Variants in PRIM2 observed in about 807,000 individuals in gnomAD.
PRIM2 encodes DNA primase subunit 2, also known as DNA primase large subunit.
In PRIM2, 39 loss-of-function variants were observed where a neutral mutation model predicts 67.3. The observed-to-expected ratio is 0.58, with a 90% CI of 0.45 to 0.76. The LOEUF is 0.76. PRIM2 is among the 30% of genes least tolerant of loss of function. PRIM2 has a pLI of 0.00. For missense variants in PRIM2, 398 were observed against 598.7 expected (o/e 0.66, Z 3.50); for synonymous variants, 143 against 198.7 (o/e 0.72, Z 2.36).
chr6:57,568,122 C>T (rs1470605505), intron 10 of PRIM2, among the ~76,000 whole-genome samples: 4 of 151,876 alleles, frequency 2.6e-5, no homozygotes, highest in Admixed American at 2.0e-4. Context: ...CAATTGTGTT[C>T]GATAAATATA....
At chr6:57,582,771 A>C (rs1294765415) in intron 10 of PRIM2, among the ~76,000 whole-genome samples, 1 of 125,530 alleles carries the variant, frequency 8.0e-6, no homozygotes, top group Non-Finnish European at 1.6e-5. Flanking sequence ...TAATTTTATA[A>C]TATTTTCTTT....
At chr6:57,293,842 G>A in the PRIM2 span, among the ~76,000 whole-genome samples, 1 of 151,560 alleles carries the variant, frequency 6.6e-6, no homozygotes, top group Non-Finnish European at 1.5e-5. Flanking sequence ...GTTGGGGGGT[G>A]GGGGTCTGGG....
At chr6:57,335,910 C>T (rs1282987775) in intron 5 of PRIM2, among the ~76,000 whole-genome samples, 58 of 152,174 alleles carry the variant, frequency 3.8e-4, no homozygotes, top group South Asian at 1.5e-3. Flanking sequence ...CAAATTACTC[C>T]GAGCTACGGG....
intron 8 of PRIM2, among the ~76,000 whole-genome samples, chr6:57,529,011 A>T (rs1253301661): frequency 6.6e-6 from 1 of 152,204 alleles, no homozygotes; most frequent in African/African-American, 2.4e-5. Context: ...CAGAACTGGT[A>T]TTTAAAGAAC....
chr6:57,330,343 A>G (rs1016888697), intron 5 of PRIM2, among the ~76,000 whole-genome samples: 17 of 136,284 alleles, frequency 1.2e-4, no homozygotes, highest in Non-Finnish European at 2.2e-4. Flanking sequence ...AACCTTGCTG[A>G]ACTTGTTTTT....
chr6:57,324,173 A>G (rs1163886470), intron 3 of PRIM2, 28 bp from the exon 4 acceptor site: 1 of 1,282,342 alleles, frequency 7.8e-7, no homozygotes, highest in Non-Finnish European at 1.1e-6. Flanking sequence ...TAATGCATTT[A>G]TTTTATTCAT....
intron 7 of PRIM2, among the ~76,000 whole-genome samples, chr6:57,450,749 G>T: frequency 6.6e-6 from 1 of 152,182 alleles, no homozygotes. Context: ...TGATTTATAT[G>T]ATCAATCAGT....
the PRIM2 span, among the ~76,000 whole-genome samples, chr6:57,268,088 A>C: frequency 6.6e-6 from 1 of 152,134 alleles, no homozygotes; most frequent in African/African-American, 2.4e-5. Context: ...GATTTAGAAG[A>C]GCTCCAAGCA....
chr6:57,584,274 C>G (rs1489936172), intron 10 of PRIM2, among the ~76,000 whole-genome samples: 1 of 152,190 alleles, frequency 6.6e-6, no homozygotes. Flanking sequence ...ACTAGCCAGC[C>G]TACCTCCAGT....
At chr6:57,272,189 C>T in the PRIM2 span, among the ~76,000 whole-genome samples, 1 of 152,034 alleles carries the variant, frequency 6.6e-6, no homozygotes, top group Non-Finnish European at 1.5e-5. Context: ...TCCTTGTTAA[C>T]TTTCTGTCTC....
chr6:57,226,793 A>C, the PRIM2 span, among the ~76,000 whole-genome samples: 4 of 152,234 alleles, frequency 2.6e-5, no homozygotes, highest in Admixed American at 2.0e-4. Context: ...ATTTGTTTTT[A>C]ATCTTGGAAG....
At chr6:57,305,491 T>C in the PRIM2 span, among the ~76,000 whole-genome samples, 44 of 152,276 alleles carry the variant, frequency 2.9e-4, no homozygotes, top group Middle Eastern at 3.4e-3. Context: ...AAAACTGAAA[T>C]ATTCAGAATC....
intron 8 of PRIM2, among the ~76,000 whole-genome samples, chr6:57,509,153 C>G (rs1454746843): frequency 2.0e-5 from 3 of 151,412 alleles, no homozygotes; most frequent in Admixed American, 2.0e-4. Context: ...AGTAACTGTT[C>G]CTTCCCAGAC....
intron 2 of PRIM2, among the ~76,000 whole-genome samples, chr6:57,319,280 C>A (rs546723249): frequency 7.7e-4 from 117 of 152,308 alleles, no homozygotes; most frequent in African/African-American, 2.6e-3. Context: ...CTACTTAATC[C>A]TCAGTGTGTT....
At chr6:57,375,040 T>G (rs1213984522) in intron 5 of PRIM2, among the ~76,000 whole-genome samples, 1 of 152,282 alleles carries the variant, frequency 6.6e-6, no homozygotes, top group African/African-American at 2.4e-5. Flanking sequence ...TCTCTCCTCC[T>G]ATTTGAATAC....
At chr6:57,335,225 T>G (rs1328512225) in intron 5 of PRIM2, among the ~76,000 whole-genome samples, 2 of 152,344 alleles carry the variant, frequency 1.3e-5, no homozygotes, top group South Asian at 2.1e-4. Context: ...CCACGGAGTC[T>G]CGCTGATTGC....
At chr6:57,231,769 G>A in the PRIM2 span, among the ~76,000 whole-genome samples, 3 of 151,700 alleles carry the variant, frequency 2.0e-5, no homozygotes, top group African/African-American at 7.3e-5. Context: ...TTATAAATGT[G>A]TATTTCCATG....
chr6:57,575,380 G>A (rs1246989698), intron 10 of PRIM2, among the ~76,000 whole-genome samples: 1 of 152,154 alleles, frequency 6.6e-6, no homozygotes, highest in Non-Finnish European at 1.5e-5. Flanking sequence ...CAACTATGAT[G>A]TATTTGCTTT....
chr6:57,282,204 T>C, the PRIM2 span, among the ~76,000 whole-genome samples: 1 of 152,228 alleles, frequency 6.6e-6, no homozygotes, highest in African/African-American at 2.4e-5. Flanking sequence ...ATATTTCTTA[T>C]TATTTTGTAT....
Sources: gnomAD v4.1 joint callset for allele counts (sites outside exome capture counted in the v4.1 genomes callset) on GRCh38, gnomAD v4.1.1 for gene constraint, MANE v1.5 for transcripts, NCBI Gene and HGNC (gene_info 2026-07-23, HGNC 2026-07-21) for gene names.